Variants in GPC3 observed in about 807,000 individuals in gnomAD.
GPC3 encodes the protein glypican 3.
In GPC3, 3 loss-of-function variants were observed where a neutral mutation model predicts 34.4. The ratio of observed to expected loss-of-function variants is 0.09; its 90% confidence interval spans 0.04 to 0.23. The LOEUF (loss-of-function observed/expected upper bound fraction) is 0.23. Among genes scored for constraint, GPC3 ranks in the 10% least tolerant of loss-of-function variants. GPC3 has a pLI of 1.00. For missense variants in GPC3, 351 were observed against 445.6 expected, an observed-to-expected ratio of 0.79 and a Z score of 1.91; for synonymous variants, 177 against 174.0, an observed-to-expected ratio of 1.02 and a Z score of -0.13.
intron 7 of GPC3, among the ~76,000 whole-genome samples, chrX:133,575,170 T>C (rs1486608159): frequency 8.9e-6 from 1 of 112,291 alleles, no homozygotes; most frequent in Non-Finnish European, 1.9e-5. Flanking sequence ...ATATCCCTTA[T>C]CTATAAAATG....
chrX:133,540,262 T>G (rs2069329613), intron 7 of GPC3, among the ~76,000 whole-genome samples: 1 of 112,947 alleles, frequency 8.9e-6, no homozygotes, highest in South Asian at 3.6e-4. Flanking sequence ...CGCATGGTTA[T>G]AGCAGCTCAA....
At chrX:133,684,800 C>T (rs1043853710) in intron 5 of GPC3, among the ~76,000 whole-genome samples, 2 of 111,020 alleles carry the variant, frequency 1.8e-5, no homozygotes, top group Admixed American at 9.6e-5. Context: ...CTGCGTACCA[C>T]TGGCCTGTTC....
In GPC3 at chrX:133,573,040, T is replaced by C. The variant is rs191434576; in HGVS notation, c.1573+23400A>G. ...TGAACAAAGCAAATCCAGCAACAGGTTGAAAAGGTTATGTATCATGACCAA... is the reference window on the plus strand; with the variant it reads ...TGAACAAAGCAAATCCAGCAACAGGCTGAAAAGGTTATGTATCATGACCAA... On this transcript the variant is annotated intron_variant, in intron 7 of 7. Transcript: ENST00000370818. Among the ~76,000 whole-genome samples, 59 of 111,044 alleles carry C rather than the reference T, an allele frequency of 5.3e-4. 1 individual carries two copies. The highest frequency in any genetic ancestry group is 1.8e-3 in the African/African-American group (56 of 30,605).
intron 6 of GPC3, among the ~76,000 whole-genome samples, chrX:133,653,928 A>C (rs1320864599): frequency 5.4e-5 from 6 of 111,586 alleles, no homozygotes; most frequent in African/African-American, 2.0e-4. Context: ...TCCCAGTCCC[A>C]GTGTTGTCAT....
intron 2 of GPC3, among the ~76,000 whole-genome samples, chrX:133,857,067 A>G (rs72615420): frequency 0.29 from 31,715 of 110,249 alleles, 3,930 homozygotes; most frequent in African/African-American, 0.45. Flanking sequence ...CTGTTAGATT[A>G]TCCCCAGCAA....
chrX:133,654,071 T>C (rs1423571007), intron 6 of GPC3, among the ~76,000 whole-genome samples: 1 of 111,592 alleles, frequency 9.0e-6, no homozygotes, highest in East Asian at 2.8e-4. Flanking sequence ...TGGTTAATAT[T>C]GAATGCGAAA....
At chrX:133,867,317 A>T (rs886458919) in intron 2 of GPC3, among the ~76,000 whole-genome samples, 3 of 111,696 alleles carry the variant, frequency 2.7e-5, no homozygotes, top group African/African-American at 6.5e-5. Context: ...ACTGAACTAG[A>T]CATTGAATTA....
intron 2 of GPC3, 100 bp downstream of exon 2, chrX:133,952,950 C>T: frequency 1.3e-6 from 1 of 788,791 alleles, no homozygotes; most frequent in Non-Finnish European, 1.9e-6. Context: ...AGCATTAATG[C>T]TGGAATGGTA....
intron 1 of GPC3, among the ~76,000 whole-genome samples, chrX:133,984,009 C>A (rs1361018272): frequency 1.8e-5 from 2 of 113,229 alleles, no homozygotes; most frequent in African/African-American, 6.4e-5. Context: ...GCTGAGGGCG[C>A]GCTGGCTGCC....
intron 3 of GPC3, among the ~76,000 whole-genome samples, chrX:133,728,879 T>C (rs2071438300): frequency 8.9e-6 from 1 of 112,399 alleles, no homozygotes; most frequent in African/African-American, 3.2e-5. Flanking sequence ...AAAATATTGA[T>C]GATGTTCAGG....
intron 2 of GPC3, among the ~76,000 whole-genome samples, chrX:133,758,677 C>T (rs1174281845): frequency 3.6e-5 from 4 of 110,559 alleles, no homozygotes; most frequent in Non-Finnish European, 3.8e-5. Context: ...ACCTACACAT[C>T]CTTCACATGT....
intron 7 of GPC3, among the ~76,000 whole-genome samples, chrX:133,547,295 G>C (rs2069394897): frequency 9.0e-6 from 1 of 111,194 alleles, no homozygotes; most frequent in Non-Finnish European, 1.9e-5. Flanking sequence ...ATAAAAATTG[G>C]TTAAAATAGC....
intron 3 of GPC3, among the ~76,000 whole-genome samples, chrX:133,748,985 C>T (rs1255133802): frequency 2.7e-5 from 3 of 111,654 alleles, no homozygotes; most frequent in South Asian, 3.8e-4. Context: ...AATTTGGGCA[C>T]GGTGGCTCAC....
chrX:133,955,541 T>G (rs1171224820), intron 1 of GPC3, among the ~76,000 whole-genome samples: 1 of 111,739 alleles, frequency 8.9e-6, no homozygotes, highest in Non-Finnish European at 1.9e-5. Flanking sequence ...GAACCCAGTC[T>G]AACATACCTT....
intron 6 of GPC3, among the ~76,000 whole-genome samples, chrX:133,598,541 T>C (rs1448517781): frequency 9.0e-6 from 1 of 111,630 alleles, no homozygotes; most frequent in Non-Finnish European, 1.9e-5. Context: ...CTGTGATATA[T>C]GGTTTTGGTT....
At chrX:133,541,126 A>G (rs1175245725) in intron 7 of GPC3, among the ~76,000 whole-genome samples, 2 of 110,708 alleles carry the variant, frequency 1.8e-5, no homozygotes, top group Non-Finnish European at 3.8e-5. Flanking sequence ...TTTTAGAAAG[A>G]TGATTGTTAA....
intron 2 of GPC3, among the ~76,000 whole-genome samples, chrX:133,867,114 C>CT (rs1240570924): frequency 9.1e-6 from 1 of 110,474 alleles, no homozygotes; most frequent in Admixed American, 9.6e-5. Flanking sequence ...AGGAGAATCA[C>CT]TTGAACCCAG....
intron 6 of GPC3, among the ~76,000 whole-genome samples, chrX:133,644,862 C>T (rs1348768199): frequency 1.8e-5 from 2 of 110,802 alleles, no homozygotes; most frequent in South Asian, 3.9e-4. Flanking sequence ...CTCACTGCAA[C>T]CTCCGCCTCC....
intron 1 of GPC3, among the ~76,000 whole-genome samples, chrX:133,977,541 G>A (rs757665726): frequency 9.0e-6 from 1 of 111,610 alleles, no homozygotes; most frequent in African/African-American, 3.3e-5. Flanking sequence ...CCTTCACCAT[G>A]TTTCCATCAG....
Sources: gnomAD v4.1 joint callset for allele counts (sites outside exome capture counted in the v4.1 genomes callset) on GRCh38, gnomAD v4.1.1 for gene constraint, MANE v1.5 for transcripts, NCBI Gene and HGNC (gene_info 2026-07-23, HGNC 2026-07-21) for gene names.